SORL1: variants seen among roughly 807,000 people sequenced by gnomAD.
The protein encoded by SORL1 is sortilin-related receptor.
A neutral mutation model predicts 273.7 loss-of-function variants in SORL1; 127 were observed. The ratio of observed to expected loss-of-function variants is 0.46; its 90% CI spans 0.40 to 0.54. The LOEUF (loss-of-function observed/expected upper bound fraction) is 0.54, where lower values mean the gene tolerates loss of function less well. SORL1 is among the 20% of genes least tolerant of loss of function. SORL1 has a pLI of 0.00. For missense variants in SORL1, 2,494 were observed against 2,846.1 expected, an observed-to-expected ratio of 0.88 and a Z score of 2.81; for synonymous variants, 1,031 against 1,067.4, an observed-to-expected ratio of 0.97 and a Z score of 0.66.
rs754194175 is a variant in SORL1, at chr11:121,558,850, G to T, written c.2910+13G>T. Reference sequence around the variant, plus strand: ...TGCTGTCTTTAAGGTGAGTCCATTTGTTGCTGCCGGACAGTCTGCTAGAGC... The same window carrying T: ...TGCTGTCTTTAAGGTGAGTCCATTTTTTGCTGCCGGACAGTCTGCTAGAGC... On this transcript the variant is annotated intron_variant, in intron 20 of 47. Coordinates refer to ENST00000260197, the MANE Select transcript of SORL1 (RefSeq NM_003105.6). 6.2e-7 allele frequency: 1 copy of T among 1,613,836 alleles called. No homozygotes were observed. The highest frequency in any genetic ancestry group is 8.5e-7 in the Non-Finnish European group (1 of 1,179,884).
At position 121,504,141 on chromosome 11, in the gene SORL1, C is replaced by T. The variant is rs568189541; in HGVS notation, c.939+7092C>T. 5.9e-4 allele frequency among the ~76,000 whole-genome samples: 90 copies of T among 152,238 alleles called. 2 individuals are homozygous for T. In the South Asian group the frequency reaches 6.2e-3, roughly 11 times the overall value. Reference sequence around the variant, plus strand: ...TTAAAATTTTTTTCCTGGCTGGGCGCGGTGGCTCACGCCTGTAATATCAGC... The same window carrying T: ...TTAAAATTTTTTTCCTGGCTGGGCGTGGTGGCTCACGCCTGTAATATCAGC... On this transcript the variant is annotated intron_variant, in intron 6 of 47. Coordinates refer to ENST00000260197, the MANE Select transcript of SORL1 (RefSeq NM_003105.6).
chr11:121,597,977 A>G (rs1371398655), intron 32 of SORL1, among the ~76,000 whole-genome samples: 2 of 152,080 alleles, frequency 1.3e-5, no homozygotes, highest in Non-Finnish European at 1.5e-5. Flanking sequence ...GACACAAGGG[A>G]CAGCATGTAT....
chr11:121,566,221 T>C (rs779494361), intron 21 of SORL1, among the ~76,000 whole-genome samples: 5 of 152,080 alleles, frequency 3.3e-5, no homozygotes, highest in Non-Finnish European at 5.9e-5. Context: ...TCTTTCTCTT[T>C]CCCTCTCATT....
chr11:121,452,792 T>G lies in SORL1; in HGVS notation c.285+176T>G, dbSNP rs1024394562. The G allele has an allele frequency of 1.9e-6, 1 of 529,020 alleles. No homozygotes were observed. Among genetic ancestry groups the G allele is most frequent in the Non-Finnish European group, 3.1e-6 (1 of 318,732 alleles). 32.8% of individuals were successfully genotyped at this position (529,020 alleles called of 1,614,324 possible). A position where few individuals can be genotyped will look rare whatever the true frequency, so the allele number is the denominator to read the frequency against. On this transcript the variant is annotated intron_variant, in intron 1 of 47. Coordinates refer to ENST00000260197, the MANE Select transcript of SORL1 (RefSeq NM_003105.6). The surrounding 1 kb of genome is among the most constrained non-coding windows in gnomAD (Gnocchi z 5.3). ...CGTCAGCACTTGAATCGCATTGATCTTTCCTTCTTCCTGTCGATTTAGTAA... is the reference window on the plus strand; with the variant it reads ...CGTCAGCACTTGAATCGCATTGATCGTTCCTTCTTCCTGTCGATTTAGTAA...
chr11:121,551,745 C>T (rs1358369271), intron 16 of SORL1, among the ~76,000 whole-genome samples: 1 of 152,166 alleles, frequency 6.6e-6, no homozygotes, highest in Non-Finnish European at 1.5e-5. Flanking sequence ...GCCAGCTTGC[C>T]CTGGTGTTTT....
At chr11:121,598,719 C>A (rs531048105) in intron 32 of SORL1, among the ~76,000 whole-genome samples, 41 of 152,342 alleles carry the variant, frequency 2.7e-4, no homozygotes, top group African/African-American at 9.1e-4. Context: ...TGTGCTCTGA[C>A]TTGAGAGAAA....
chr11:121,470,212 T>A, intron 2 of SORL1, 89 bp downstream of exon 2: 1 of 829,804 alleles, frequency 1.2e-6, no homozygotes, highest in Non-Finnish European at 2.1e-6. Context: ...GAAAAAGTAG[T>A]GGGTAATTGG....
chr11:121,481,198 C>T (rs1317407262), intron 3 of SORL1, among the ~76,000 whole-genome samples: 1 of 113,312 alleles, frequency 8.8e-6, no homozygotes, highest in Non-Finnish European at 1.9e-5. Flanking sequence ...ATCTCCTCCT[C>T]CCCAGCTCCT....
In SORL1 at chr11:121,470,029, A is replaced by G. The variant is rs1431096409; in HGVS notation, c.308A>G (p.Asn103Ser). 8.1e-6 allele frequency: 13 copies of G among 1,613,750 alleles called. No individual in the cohort carries two copies. Among genetic ancestry groups the G allele is most frequent in the Non-Finnish European group, 1.1e-5 (13 of 1,179,738 alleles). The change falls in exon 2 of 48, where the codon AAT (asparagine) becomes AGT (serine). Residue 103 changes from asparagine to serine, a missense_variant. Physicochemically the swap from Asn to Ser is conservative, Grantham distance 46. Coordinates refer to ENST00000260197, the MANE Select transcript of SORL1 (RefSeq NM_003105.6). ...YGQVSLNDSH[N>S]QMVVHWAGEK... The stretch of plus-strand genomic sequence containing the variant: ...CAGGTTAGTCTGAATGATTCCCACA[A>G]TCAGATGGTGGTGCACTGGGCTGGA...
chr11:121,452,347 A>G lies in SORL1; in HGVS notation c.16A>G (p.Ser6Gly). ...TCGCCCGAACATGGCGACACGGAGC[A>G]GCAGGAGGGAGTCGCGACTCCCGTT... MATRS[S>G]RRESRLPFLF... The change falls in exon 1 of 48, where the codon AGC (serine) becomes GGC (glycine). Residue 6 changes from serine (S) to glycine (G), a missense_variant. Ser to Gly is a moderately conservative substitution (Grantham distance 56, BLOSUM62 0). Coordinates refer to ENST00000260197, the MANE Select transcript of SORL1 (RefSeq NM_003105.6). This position sits in a 1 kb window ranked among gnomAD's most constrained non-coding sequence, Gnocchi z 5.3. 1 of 1,552,436 alleles carries G rather than the reference A, an allele frequency of 6.4e-7. No individual in the cohort carries two copies. The highest frequency in any genetic ancestry group is 8.7e-7 in the Non-Finnish European group (1 of 1,153,878).
At chr11:121,481,121 G>A (rs78701426) in intron 3 of SORL1, among the ~76,000 whole-genome samples, 14 of 97,538 alleles carry the variant, frequency 1.4e-4, no homozygotes, top group East Asian at 2.9e-4. Context: ...ACAGATACCT[G>A]TAGGCAGACT....
intron 2 of SORL1, 59 bp from the exon 3 acceptor site, chr11:121,478,056 AGAT>A: frequency 7.1e-7 from 1 of 1,405,144 alleles, no homozygotes; most frequent in African/African-American, 1.5e-5. Context: ...AAAAAAAGAA[AGAT>A]CTTTCTGCCA....
intron 6 of SORL1, among the ~76,000 whole-genome samples, chr11:121,498,304 C>G (rs1591301029): frequency 6.6e-6 from 1 of 152,174 alleles, no homozygotes; most frequent in East Asian, 1.9e-4. Flanking sequence ...GATAAGAAAT[C>G]AGGCCCAAGC....
intron 1 of SORL1, among the ~76,000 whole-genome samples, chr11:121,462,573 C>A (rs963560899): frequency 6.6e-6 from 1 of 152,008 alleles, no homozygotes; most frequent in Admixed American, 6.6e-5. Context: ...GACCTAGAAT[C>A]GTGTTATTTT....
At chr11:121,582,066 A>T (rs915405413) in intron 25 of SORL1, among the ~76,000 whole-genome samples, 1 of 152,202 alleles carries the variant, frequency 6.6e-6, no homozygotes, top group Admixed American at 6.5e-5. Flanking sequence ...AAAGGTTGTA[A>T]ATATTGAAAC....
At chr11:121,455,093 C>T (rs1434526129) in intron 1 of SORL1, among the ~76,000 whole-genome samples, 1 of 152,026 alleles carries the variant, frequency 6.6e-6, no homozygotes, top group African/African-American at 2.4e-5. Flanking sequence ...GAGTGTGGTT[C>T]TATGGAGGTG....
chr11:121,567,836 G>A (rs773753896), intron 22 of SORL1, among the ~76,000 whole-genome samples: 1 of 152,216 alleles, frequency 6.6e-6, no homozygotes. Context: ...GCCATGAAGT[G>A]CATGGATTGA....
At chr11:121,586,991 G>A (rs1305693569) in intron 27 of SORL1, among the ~76,000 whole-genome samples, 1 of 152,122 alleles carries the variant, frequency 6.6e-6, no homozygotes, top group Non-Finnish European at 1.5e-5. Context: ...TAGCCTGTGG[G>A]CAAAATCCAG....
chr11:121,527,138 T>C (rs1226092542), intron 11 of SORL1, among the ~76,000 whole-genome samples: 2 of 152,200 alleles, frequency 1.3e-5, no homozygotes, highest in East Asian at 1.9e-4. Context: ...ACTATGGTGT[T>C]AGCAGTAGAT....
Sources: gnomAD v4.1 joint callset for allele counts (sites outside exome capture counted in the v4.1 genomes callset) on GRCh38, gnomAD v4.1.1 for gene constraint, Gnocchi (gnomAD v3.1) non-coding constraint, MANE v1.5 for transcripts, NCBI Gene and HGNC (gene_info 2026-07-23, HGNC 2026-07-21) for gene names.